Variants in WDTC1 observed in about 807,000 individuals in gnomAD.
WDTC1 encodes the protein WD and tetratricopeptide repeats 1, also known as WD and tetratricopeptide repeats protein 1.
In WDTC1, 12 loss-of-function variants were observed where a neutral mutation model predicts 76.0. That is an observed-to-expected ratio of 0.16 (90% CI 0.10 to 0.26). The LOEUF (loss-of-function observed/expected upper bound fraction) is 0.26. WDTC1 is among the 10% of genes least tolerant of loss of function. The pLI is 1.00. For synonymous variants in WDTC1, 326 were observed against 350.8 expected, an observed-to-expected ratio of 0.93 and a Z score of 0.79; for missense variants, 511 against 908.8, an observed-to-expected ratio of 0.56 and a Z score of 5.63.
At position 27,282,813 on chromosome 1, in the gene WDTC1, G is replaced by GT. The variant is rs1357129059; in HGVS notation, c.180-518dup. On this transcript the variant is annotated intron_variant, in intron 4 of 15. Coordinates refer to ENST00000319394, the MANE Select transcript of WDTC1 (RefSeq NM_001276252.2). Reference sequence around the variant, plus strand: ...ACTACCGCGCCCGGCCCAAAACCCTGTTTTTTTAATAAGCCAATGTGTTTA... The same window carrying GT: ...ACTACCGCGCCCGGCCCAAAACCCTGTTTTTTTTAATAAGCCAATGTGTTTA... 1.1e-4 allele frequency among the ~76,000 whole-genome samples: 17 copies of GT among 151,090 alleles called. No homozygotes were observed. In the South Asian group the frequency reaches 3.2e-3, roughly 28 times the overall value.
intron 3 of WDTC1, among the ~76,000 whole-genome samples, chr1:27,272,529 A>G (rs777801970): frequency 1.3e-5 from 2 of 152,230 alleles, no homozygotes; most frequent in African/African-American, 4.8e-5. Flanking sequence ...TACTTTGTGT[A>G]TGTTACAGAA....
chr1:27,292,164 T>G, intron 6 of WDTC1, 51 bp from the exon 7 acceptor site: 1 of 1,430,694 alleles, frequency 7.0e-7, no homozygotes. Context: ...TCCCCTGCCT[T>G]CCTCTCAAGG....
intron 1 of WDTC1, among the ~76,000 whole-genome samples, chr1:27,254,736 G>T (rs189214439): frequency 1.1e-3 from 166 of 152,162 alleles, no homozygotes; most frequent in Non-Finnish European, 1.9e-3. Flanking sequence ...AGGTTAAAAC[G>T]ATTCTCCTGC....
chr1:27,244,121 G>A (rs2011726647), intron 1 of WDTC1, among the ~76,000 whole-genome samples: 1 of 151,812 alleles, frequency 6.6e-6, no homozygotes, highest in African/African-American at 2.4e-5. Flanking sequence ...ACTCCAGCCT[G>A]GGTGACAGAG....
At chr1:27,289,610 G>A (rs1243549078) in intron 6 of WDTC1, among the ~76,000 whole-genome samples, 3 of 152,238 alleles carry the variant, frequency 2.0e-5, no homozygotes, top group Non-Finnish European at 4.4e-5. Context: ...TGCAATCTCG[G>A]CACTTTGGGA....
chr1:27,268,546 G>C (rs992283094), intron 3 of WDTC1, among the ~76,000 whole-genome samples: 4 of 151,662 alleles, frequency 2.6e-5, no homozygotes, highest in African/African-American at 9.7e-5. Flanking sequence ...AGCCTCCCAA[G>C]TAGCTGTGAT....
chr1:27,238,723 G>A (rs1301257709), intron 1 of WDTC1, among the ~76,000 whole-genome samples: 1 of 152,078 alleles, frequency 6.6e-6, no homozygotes, highest in Non-Finnish European at 1.5e-5. Flanking sequence ...GTACCACCAC[G>A]CCCATCTAAT....
At chr1:27,275,859 C>T (rs958675806) in intron 3 of WDTC1, among the ~76,000 whole-genome samples, 2 of 152,138 alleles carry the variant, frequency 1.3e-5, no homozygotes, top group Non-Finnish European at 2.9e-5. Flanking sequence ...GTTTTCATCA[C>T]CCCAAAAAGG....
intron 4 of WDTC1, among the ~76,000 whole-genome samples, chr1:27,283,108 C>T (rs2013236898): frequency 6.7e-6 from 1 of 150,356 alleles, no homozygotes; most frequent in South Asian, 2.1e-4. Context: ...ACTGCACTTC[C>T]AGCCTGGGGG....
At chr1:27,281,122 C>T (rs1044895037) in intron 3 of WDTC1, among the ~76,000 whole-genome samples, 6 of 152,014 alleles carry the variant, frequency 3.9e-5, no homozygotes, top group African/African-American at 1.4e-4. Flanking sequence ...CCTGTACCCC[C>T]AGCATCTGAA....
intron 3 of WDTC1, among the ~76,000 whole-genome samples, chr1:27,273,440 C>T (rs2012931817): frequency 6.6e-6 from 1 of 151,868 alleles, no homozygotes; most frequent in African/African-American, 2.4e-5. Context: ...GATCTCCTGA[C>T]CTCGTGATCT....
At chr1:27,268,307 A>G (rs2012738574) in intron 3 of WDTC1, among the ~76,000 whole-genome samples, 1 of 152,148 alleles carries the variant, frequency 6.6e-6, no homozygotes, top group Non-Finnish European at 1.5e-5. Flanking sequence ...TTAAAAAAAG[A>G]GAGATTTCAC....
intron 1 of WDTC1, among the ~76,000 whole-genome samples, chr1:27,238,483 C>CT (rs145175128): frequency 1.5e-4 from 22 of 150,144 alleles, no homozygotes; most frequent in East Asian, 3.9e-4. Context: ...TTTGCCACAT[C>CT]TTTTTTTTTT....
chr1:27,247,964 C>T (rs370018359), intron 1 of WDTC1, among the ~76,000 whole-genome samples: 27 of 151,860 alleles, frequency 1.8e-4, no homozygotes, highest in Admixed American at 5.9e-4. Context: ...GTGATCTGCC[C>T]GCCTCGGCCT....
Position 27,297,144 on chromosome 1 carries a change from G to C in WDTC1, c.1046G>C (p.Arg349Thr). ...AATGGCTTCCGGCTGCCGGAGAGTA[G>C]GGGACATGTCAGGTGAGGCCAGCTG... ...HSNGFRLPES[R>T]GHVSPQVELP... Residue 349 changes from arginine (R) to threonine (T), a missense_variant, in exon 11 of 16, where the codon AGG becomes ACG. By Grantham distance (71) the Arg-to-Thr change is moderately conservative (BLOSUM62 -1). Transcript: ENST00000319394. 1 of 1,608,256 alleles carries C rather than the reference G, an allele frequency of 6.2e-7. No individual in the cohort carries two copies. The highest frequency in any genetic ancestry group is 8.5e-7 in the Non-Finnish European group (1 of 1,177,082).
At chr1:27,238,296 T>C (rs947144438) in intron 1 of WDTC1, among the ~76,000 whole-genome samples, 5 of 151,874 alleles carry the variant, frequency 3.3e-5, no homozygotes, top group African/African-American at 1.2e-4. Context: ...AAGATTGTCA[T>C]GGGGAAAGGA....
At chr1:27,240,857 C>T (rs1260652013) in intron 1 of WDTC1, among the ~76,000 whole-genome samples, 1 of 151,596 alleles carries the variant, frequency 6.6e-6, no homozygotes, top group East Asian at 1.9e-4. Flanking sequence ...TGTCTGTAGT[C>T]CCAGCTACTC....
At chr1:27,278,727 T>G (rs914972187) in intron 3 of WDTC1, among the ~76,000 whole-genome samples, 18 of 152,368 alleles carry the variant, frequency 1.2e-4, no homozygotes, top group African/African-American at 4.1e-4. Context: ...CTTCACATCT[T>G]TATGTAACTT....
At chr1:27,289,185 G>C (rs561489470) in intron 6 of WDTC1, among the ~76,000 whole-genome samples, 1 of 149,764 alleles carries the variant, frequency 6.7e-6, no homozygotes, top group Non-Finnish European at 1.5e-5. Flanking sequence ...CCTCCCGGAC[G>C]GGGCGGCTGG....
Sources: gnomAD v4.1 joint callset for allele counts (sites outside exome capture counted in the v4.1 genomes callset) on GRCh38, gnomAD v4.1.1 for gene constraint, MANE v1.5 for transcripts, NCBI Gene and HGNC (gene_info 2026-07-23, HGNC 2026-07-21) for gene names.